The following ARHGAP15 variants were observed in gnomAD, a reference collection of about 807,000 sequenced individuals.
The protein encoded by ARHGAP15 is Rho GTPase activating protein 15, also known as rho GTPase-activating protein 15.
In ARHGAP15, 51 loss-of-function variants were observed where a neutral mutation model predicts 63.7. The observed-to-expected ratio is 0.80, with a 90% CI of 0.64 to 1.01. The LOEUF (loss-of-function observed/expected upper bound fraction) is 1.01, where lower values mean the gene tolerates loss of function less well. ARHGAP15 is among the 50% of genes least tolerant of loss of function. The pLI, the probability that ARHGAP15 is intolerant of heterozygous loss-of-function variation, is 0.00. For missense variants in ARHGAP15, 560 were observed against 564.6 expected, an observed-to-expected ratio of 0.99 and a Z score of 0.08; for synonymous variants, 191 against 193.8, an observed-to-expected ratio of 0.99 and a Z score of 0.12.
chr2:143,170,584 G>A (rs1350842321), intron 2 of ARHGAP15, among the ~76,000 whole-genome samples: 4 of 152,024 alleles, frequency 2.6e-5, no homozygotes, highest in Non-Finnish European at 5.9e-5. Context: ...GATACATTCT[G>A]CCATGTTCAA....
At chr2:143,656,138 T>C (rs1459262672) in intron 12 of ARHGAP15, 3 of 152,144 alleles carry the variant, frequency 2.0e-5, no homozygotes, top group African/African-American at 7.2e-5. Flanking sequence ...GCATACAAGA[T>C]GATGTTTTTA....
chr2:143,703,193 C>T (rs1684168260), intron 12 of ARHGAP15, among the ~76,000 whole-genome samples: 2 of 152,168 alleles, frequency 1.3e-5, no homozygotes, highest in African/African-American at 4.8e-5. Context: ...AAAAGCTAAT[C>T]AGTTCATACA....
intron 13 of ARHGAP15, among the ~76,000 whole-genome samples, chr2:143,726,784 G>T (rs1176325746): frequency 6.6e-6 from 1 of 152,156 alleles, no homozygotes; most frequent in East Asian, 1.9e-4. Flanking sequence ...CCAAGTATCT[G>T]TACCTCCACA....
intron 8 of ARHGAP15, among the ~76,000 whole-genome samples, chr2:143,476,509 T>G (rs1691823095): frequency 6.6e-6 from 1 of 152,336 alleles, no homozygotes; most frequent in South Asian, 2.1e-4. Flanking sequence ...CTCAGCCCTA[T>G]GCATATGTGT....
intron 9 of ARHGAP15, among the ~76,000 whole-genome samples, chr2:143,497,956 C>G (rs900356501): frequency 6.6e-6 from 1 of 152,092 alleles, no homozygotes; most frequent in Non-Finnish European, 1.5e-5. Flanking sequence ...ACTCAGATAT[C>G]CTCATTAGGG....
At chr2:143,393,462 G>A (rs1430195240) in intron 6 of ARHGAP15, among the ~76,000 whole-genome samples, 3 of 151,950 alleles carry the variant, frequency 2.0e-5, no homozygotes, top group South Asian at 2.1e-4. Flanking sequence ...AGCTGGGCAC[G>A]GTGGCTCATG....
At chr2:143,765,306 A>T (rs781136656) in intron 13 of ARHGAP15, among the ~76,000 whole-genome samples, 21 of 152,126 alleles carry the variant, frequency 1.4e-4, no homozygotes, top group Non-Finnish European at 2.8e-4. Context: ...GTAGATGGGC[A>T]TGTTAAAGAG....
At chr2:143,306,339 TA>T (rs1222225809) in intron 6 of ARHGAP15, among the ~76,000 whole-genome samples, 2 of 152,086 alleles carry the variant, frequency 1.3e-5, no homozygotes, top group African/African-American at 4.8e-5. Flanking sequence ...TAGAGGAGAG[TA>T]AACACTGTAG....
At chr2:143,318,142 G>A (rs1014420442) in intron 6 of ARHGAP15, among the ~76,000 whole-genome samples, 18 of 151,790 alleles carry the variant, frequency 1.2e-4, no homozygotes, top group African/African-American at 4.4e-4. Context: ...GGGACTACAG[G>A]CACGTGGCAC....
intron 1 of ARHGAP15, among the ~76,000 whole-genome samples, chr2:143,149,236 G>GGGACCTTCGCTCCTCGTGGT (rs1208316459): frequency 2.6e-5 from 4 of 151,916 alleles, no homozygotes; most frequent in African/African-American, 2.4e-5. Flanking sequence ...TTAGGCAGAG[G>GGGACCTTCGCTCCTCGTGGT]GGACCTTCGC....
intron 13 of ARHGAP15, among the ~76,000 whole-genome samples, chr2:143,715,320 A>T (rs529308574): frequency 6.6e-6 from 1 of 152,340 alleles, no homozygotes; most frequent in South Asian, 2.1e-4. Context: ...TTCCTCCCAC[A>T]AGACATGGGA....
At chr2:143,436,440 T>C (rs1689616347) in intron 7 of ARHGAP15, among the ~76,000 whole-genome samples, 1 of 152,224 alleles carries the variant, frequency 6.6e-6, no homozygotes, top group Non-Finnish European at 1.5e-5. Flanking sequence ...AATTTACTTT[T>C]TCCTGTTATT....
chr2:143,681,785 G>C (rs1021058157), intron 12 of ARHGAP15, among the ~76,000 whole-genome samples: 1 of 152,144 alleles, frequency 6.6e-6, no homozygotes, highest in East Asian at 1.9e-4. Flanking sequence ...GATAGAAATC[G>C]AGGTGTTTTG....
intron 6 of ARHGAP15, among the ~76,000 whole-genome samples, chr2:143,420,366 G>A (rs893295322): frequency 6.6e-6 from 1 of 152,156 alleles, no homozygotes; most frequent in African/African-American, 2.4e-5. Context: ...TAGTCTTGAA[G>A]GCAGCACAGA....
intron 6 of ARHGAP15, among the ~76,000 whole-genome samples, chr2:143,368,742 A>T (rs1196729362): frequency 6.6e-6 from 1 of 152,104 alleles, no homozygotes; most frequent in African/African-American, 2.4e-5. Context: ...GAAGAAAGCA[A>T]GTGAGAAGCA....
intron 13 of ARHGAP15, among the ~76,000 whole-genome samples, chr2:143,759,378 AT>A (rs1686683384): frequency 6.6e-6 from 1 of 152,170 alleles, no homozygotes; most frequent in African/African-American, 2.4e-5. Context: ...TATTACATAT[AT>A]AAGTCATAGG....
intron 5 of ARHGAP15, among the ~76,000 whole-genome samples, chr2:143,250,298 TTAAA>T (rs1680088393): frequency 6.6e-6 from 1 of 152,042 alleles, no homozygotes; most frequent in Admixed American, 6.6e-5. Flanking sequence ...TTATAGTTAA[TTAAA>T]TAATTTTAAA....
chr2:143,505,733 G>T (rs73005372), intron 9 of ARHGAP15, among the ~76,000 whole-genome samples: 4,670 of 152,146 alleles, frequency 0.031, 248 homozygotes, highest in African/African-American at 0.11. Context: ...CTCTTAATAT[G>T]GTTTATTAAA....
Position 143,143,509 on chromosome 2 carries a change from A to AT in ARHGAP15, c.-14-11959dup, listed in dbSNP as rs916579263. 1.0e-4 allele frequency among the ~76,000 whole-genome samples: 15 copies of AT among 146,792 alleles called. No homozygotes were observed. In the South Asian group the frequency reaches 1.3e-3, roughly 13 times the overall value. On this transcript the variant is annotated intron_variant, in intron 1 of 13. Coordinates refer to ENST00000295095, the MANE Select transcript of ARHGAP15 (RefSeq NM_018460.4). ...AGCCTGAGGATACATAATTTTGTGG[A>AT]TTTTTTTTTCTCACACCAAACTTCC...
Sources: allele counts gnomAD v4.1 joint callset (sites outside exome capture counted in the v4.1 genomes callset), GRCh38; gene constraint gnomAD v4.1.1; transcripts MANE v1.5; gene names NCBI Gene and HGNC (gene_info 2026-07-23, HGNC 2026-07-21).